Variants in XPO4 observed in about 807,000 individuals in gnomAD.
The protein encoded by XPO4 is exportin-4.
In XPO4, 39 loss-of-function variants were observed where a neutral mutation model predicts 143.0. The ratio of observed to expected loss-of-function variants is 0.27; its 90% confidence interval spans 0.21 to 0.36. XPO4 has a LOEUF of 0.36. Ranked by LOEUF, XPO4 falls within the 10% of genes least tolerant of loss-of-function variation. The probability of loss-of-function intolerance (pLI) is 1.00; values close to 1 mark genes in which losing one functional copy is unlikely to be tolerated. For synonymous variants in XPO4, 439 were observed against 474.0 expected (o/e 0.93, Z 0.96); for missense variants, 907 against 1,348.0 (o/e 0.67, Z 5.12).
intron 1 of XPO4, among the ~76,000 whole-genome samples, chr13:20,884,291 T>A (rs1445790360): frequency 2.6e-5 from 4 of 152,162 alleles, no homozygotes; most frequent in Admixed American, 2.6e-4. Context: ...GAAGCAGGAT[T>A]ACTTGAGCTC....
At chr13:20,787,081 A>G in intron 21 of XPO4, 24 bp from the exon 22 acceptor site, 1 of 1,546,034 alleles carries the variant, frequency 6.5e-7, no homozygotes, top group Non-Finnish European at 8.8e-7. Flanking sequence ...AGACTTCTAA[A>G]TAAAAACATA....
chr13:20,795,181 C>A (rs78584487), intron 18 of XPO4, among the ~76,000 whole-genome samples: 5,780 of 152,192 alleles, frequency 0.038, 380 homozygotes, highest in African/African-American at 0.13. Context: ...CGTGTCTGCA[C>A]AACATATAAT....
chr13:20,780,860 AT>A lies in XPO4; in HGVS notation c.*2861del, dbSNP rs1455385707. The stretch of plus-strand genomic sequence containing the variant: ...CAGCCACTCATCCAGCACAAGGACT[AT>A]AAAAGCAAATCAATCCTTTTAACAG... On this transcript the variant is annotated 3_prime_UTR_variant, in exon 23 of 23. Coordinates refer to ENST00000255305, the MANE Select transcript of XPO4 (RefSeq NM_022459.5). 2 of 152,238 alleles carry A rather than the reference AT, an allele frequency of 1.3e-5. No homozygotes were observed. The highest frequency in any genetic ancestry group is 2.9e-5 in the Non-Finnish European group (2 of 68,038). The allele number at this position is 152,238 out of a possible 1,614,324, so 9.4% of individuals were successfully genotyped here.
At chr13:20,844,495 A>G (rs2060010466) in intron 4 of XPO4, among the ~76,000 whole-genome samples, 2 of 152,236 alleles carry the variant, frequency 1.3e-5, no homozygotes, top group Non-Finnish European at 2.9e-5. Flanking sequence ...TTCCCAGACT[A>G]AAACAGTCAA....
chr13:20,871,221 C>T (rs910078646), intron 1 of XPO4, among the ~76,000 whole-genome samples: 3 of 152,126 alleles, frequency 2.0e-5, no homozygotes, highest in Non-Finnish European at 4.4e-5. Flanking sequence ...CACTCTGTTG[C>T]CCATGCTGGA....
intron 7 of XPO4, among the ~76,000 whole-genome samples, chr13:20,823,526 G>C (rs1034126313): frequency 8.6e-5 from 13 of 150,570 alleles, no homozygotes; most frequent in African/African-American, 3.2e-4. Flanking sequence ...GCCAAATTTG[G>C]CCCCCGCCTG....
At chr13:20,876,264 GAAAAAA>G (rs35708026) in intron 1 of XPO4, among the ~76,000 whole-genome samples, 1 of 81,930 alleles carries the variant, frequency 1.2e-5, no homozygotes, top group African/African-American at 4.7e-5. Flanking sequence ...CTCCATCTCG[GAAAAAA>G]AAAAAAAAAA....
At chr13:20,789,313 G>A (rs367717910) in intron 19 of XPO4, among the ~76,000 whole-genome samples, 20 of 152,096 alleles carry the variant, frequency 1.3e-4, no homozygotes, top group South Asian at 4.1e-4. Flanking sequence ...GGAAGCACAC[G>A]GTTAGATCCT....
intron 6 of XPO4, among the ~76,000 whole-genome samples, chr13:20,829,246 G>A (rs542091123): frequency 1.1e-4 from 16 of 152,200 alleles, no homozygotes; most frequent in South Asian, 4.1e-4. Context: ...GCATGAGCCA[G>A]CACACCTGGC....
rs917720252 is a variant in XPO4 at position 20,796,614 on chromosome 13, G to A, written c.2616+150C>T. ...CAACATGACTTTCTCTAAATTATAA[G>A]TTCTTTTCAAAAATCTTTTTTAAAA... On this transcript the variant is annotated intron_variant, in intron 17 of 22. Transcript: ENST00000255305. 8 of 715,982 alleles carry A rather than the reference G, an allele frequency of 1.1e-5. No homozygotes were observed. In the African/African-American group the frequency reaches 1.3e-4, roughly 12 times the overall value. 44.4% of individuals were successfully genotyped at this position (715,982 alleles called of 1,614,324 possible). A position where few individuals can be genotyped will look rare whatever the true frequency, so the allele number is the denominator to read the frequency against.
At chr13:20,875,827 C>T (rs2060345514) in intron 1 of XPO4, among the ~76,000 whole-genome samples, 1 of 152,156 alleles carries the variant, frequency 6.6e-6, no homozygotes. Flanking sequence ...GAGAACTGCA[C>T]TAGCATACAG....
intron 9 of XPO4, among the ~76,000 whole-genome samples, chr13:20,818,258 C>G (rs1381024931): frequency 1.3e-5 from 2 of 152,004 alleles, no homozygotes; most frequent in Non-Finnish European, 2.9e-5. Context: ...GGCTGAATAC[C>G]AGAATTGCTC....
At position 20,808,522 on chromosome 13, in the gene XPO4, A is replaced by ATC. The variant is rs1230153757; in HGVS notation, c.1552_1553insGA (p.Leu518Ter). Residue 518 changes from leucine to a stop codon, truncating the protein, a stop_gained and frameshift_variant, in exon 12 of 23, where the codon TTA becomes TGATA. Coordinates refer to ENST00000255305, the MANE Select transcript of XPO4 (RefSeq NM_022459.5). LOFTEE classifies it high-confidence loss of function. ...HGQLQRHQQQLLASPGSSTVD... is the reference protein window; with the variant it reads ...HGQLQRHQQQ ...AGTGCTTGAACCCGGTGAAGCAAGT[A>ATC]ACTGTTGCTGATGTCGTTGTAACTG... 1 of 1,577,502 alleles carries ATC rather than the reference A, an allele frequency of 6.3e-7. No individual in the cohort carries two copies.
intron 1 of XPO4, among the ~76,000 whole-genome samples, chr13:20,894,232 A>G (rs572140697): frequency 6.6e-6 from 1 of 152,352 alleles, no homozygotes; most frequent in East Asian, 1.9e-4. Flanking sequence ...TCAAATTACA[A>G]TGGACCTAAT....
rs1466039306 is a variant in XPO4, at chr13:20,894,851, A to G, written c.69+7819T>C. The stretch of plus-strand genomic sequence containing the variant: ...AAGAGTGAAACTTCATCTCAAAGAA[A>G]AAAAAAAAAAAAGGTAGATTTTTTT... On this transcript the variant is annotated intron_variant, in intron 1 of 22. Coordinates refer to ENST00000255305, the MANE Select transcript of XPO4 (RefSeq NM_022459.5). Among the ~76,000 whole-genome samples the G allele has an allele frequency of 2.7e-5, 4 of 150,096 alleles. No individual in the cohort carries two copies. The East Asian group carries it at 7.8e-4, about 29-fold the overall frequency.
At chr13:20,859,408 G>C (rs1396804993) in intron 3 of XPO4, among the ~76,000 whole-genome samples, 4 of 152,142 alleles carry the variant, frequency 2.6e-5, no homozygotes, top group Non-Finnish European at 5.9e-5. Flanking sequence ...AGACCATCCT[G>C]GCTAACACAG....
chr13:20,810,270 A>G (rs987599270), intron 9 of XPO4, among the ~76,000 whole-genome samples: 4 of 152,216 alleles, frequency 2.6e-5, no homozygotes, highest in African/African-American at 7.2e-5. Flanking sequence ...AAAAAAATGT[A>G]TACACCCTAC....
intron 16 of XPO4, among the ~76,000 whole-genome samples, chr13:20,798,101 C>CCACT (rs1168992352): frequency 1.3e-5 from 2 of 152,070 alleles, no homozygotes; most frequent in African/African-American, 4.8e-5. Flanking sequence ...CAAGATCACA[C>CCACT]CACTGCACTC....
intron 22 of XPO4, among the ~76,000 whole-genome samples, chr13:20,786,296 T>TAC (rs2059204709): frequency 3.5e-5 from 3 of 85,296 alleles, no homozygotes; most frequent in Non-Finnish European, 7.5e-5. Flanking sequence ...TATATATATA[T>TAC]ACGTGTGTGT....
Sources: gnomAD v4.1 joint callset for allele counts (sites outside exome capture counted in the v4.1 genomes callset) on GRCh38, gnomAD v4.1.1 for gene constraint, MANE v1.5 for transcripts, NCBI Gene and HGNC (gene_info 2026-07-23, HGNC 2026-07-21) for gene names.